CADPS2: variants seen among roughly 807,000 people sequenced by gnomAD.
CADPS2 encodes the protein calcium dependent secretion activator 2.
CADPS2 carries 93 observed loss-of-function variants against 172.5 expected under a neutral mutation model. The ratio of observed to expected loss-of-function variants is 0.54; its 90% CI spans 0.46 to 0.64. The LOEUF is 0.64. CADPS2 is among the 30% of genes least tolerant of loss of function. The pLI is 0.00. For missense variants in CADPS2, 1,420 were observed against 1,565.9 expected (o/e 0.91, Z 1.57); for synonymous variants, 546 against 555.2 (o/e 0.98, Z 0.23).
At chr7:122,602,210 T>A (rs1429995165) in intron 6 of CADPS2, among the ~76,000 whole-genome samples, 1 of 151,932 alleles carries the variant, frequency 6.6e-6, no homozygotes, top group Admixed American at 6.6e-5. Flanking sequence ...AAAAAAAAGT[T>A]TATTTTTTTC....
chr7:122,597,913 A>ATTT (rs35489038), intron 6 of CADPS2, among the ~76,000 whole-genome samples: 1 of 147,440 alleles, frequency 6.8e-6, no homozygotes, highest in Non-Finnish European at 1.5e-5. Flanking sequence ...TCTTTTTAAC[A>ATTT]TTTTTTTTTT....
chr7:122,532,392 C>A (rs932788601), intron 8 of CADPS2, among the ~76,000 whole-genome samples: 2 of 152,122 alleles, frequency 1.3e-5, no homozygotes, highest in East Asian at 3.9e-4. Flanking sequence ...TAATTGATAA[C>A]TTAATTTTTA....
At chr7:122,779,563 A>T (rs1422396667) in intron 1 of CADPS2, among the ~76,000 whole-genome samples, 1 of 152,214 alleles carries the variant, frequency 6.6e-6, no homozygotes, top group Non-Finnish European at 1.5e-5. Flanking sequence ...GACAAGAAAG[A>T]GAGTGAGCAT....
intron 2 of CADPS2, among the ~76,000 whole-genome samples, chr7:122,708,460 G>GGA (rs2087977035): frequency 3.5e-5 from 1 of 28,972 alleles, no homozygotes; most frequent in Admixed American, 4.6e-4. Context: ...ATATGTGTGT[G>GGA]GATATATATA....
intron 1 of CADPS2, among the ~76,000 whole-genome samples, chr7:122,774,241 A>AAT (rs200036624): frequency 9.4e-5 from 14 of 148,172 alleles, no homozygotes; most frequent in South Asian, 2.1e-4. Flanking sequence ...TTCAACAACA[A>AAT]ATATATATAT....
intron 2 of CADPS2, among the ~76,000 whole-genome samples, chr7:122,734,389 A>AAAAG (rs2091979697): frequency 2.1e-5 from 1 of 47,802 alleles, no homozygotes; most frequent in African/African-American, 5.8e-5. Flanking sequence ...AAAAAAAAGA[A>AAAAG]AAAAAAAAAA....
intron 17 of CADPS2, among the ~76,000 whole-genome samples, chr7:122,423,337 T>C (rs1473660685): frequency 6.6e-6 from 1 of 152,128 alleles, no homozygotes; most frequent in Admixed American, 6.5e-5. Flanking sequence ...AACCCATTCC[T>C]GTCCCTGCCA....
At position 122,584,672 on chromosome 7, in the gene CADPS2, CG is replaced by C. The variant is rs142467642; in HGVS notation, c.1224-3383del. ...TTAATTTTAAGCCTTTCTTCCATTC[CG>C]GGCAAGCATTTGTGACTATAAATTT... On this transcript the variant is annotated intron_variant, in intron 6 of 29. Coordinates refer to ENST00000449022, the MANE Select transcript of CADPS2 (RefSeq NM_017954.11). Among the ~76,000 whole-genome samples, 1,170 of 151,914 alleles carry C rather than the reference CG, an allele frequency of 7.7e-3. 16 individuals are homozygous for C. The highest frequency in any genetic ancestry group is 0.027 in the African/African-American group (1,130 of 41,480).
intron 8 of CADPS2, among the ~76,000 whole-genome samples, chr7:122,533,732 G>C (rs1276552786): frequency 6.6e-6 from 1 of 152,156 alleles, no homozygotes; most frequent in African/African-American, 2.4e-5. Context: ...CATGGAGTAA[G>C]ATAATTAAAC....
chr7:122,438,353 C>T lies in CADPS2; in HGVS notation c.2464G>A (p.Ala822Thr). 2 of 1,612,914 alleles carry T rather than the reference C, an allele frequency of 1.2e-6. No homozygotes were observed. The highest frequency in any genetic ancestry group is 1.7e-6 in the Non-Finnish European group (2 of 1,179,152). Residue 822 changes from alanine to threonine, a missense_variant, in exon 17 of 30, where the codon GCC becomes ACC. Ala to Thr is a moderately conservative substitution (Grantham distance 58). Transcript: ENST00000449022. ...TCACTGCACTGACCTTCTATTTTGG[C>T]ATATTCTGTGAGTCTAGTGTAATTG... ...LINYTRLTEY[A>T]KIEETMNQAS... is the part of the protein sequence containing the mutation.
intron 1 of CADPS2, among the ~76,000 whole-genome samples, chr7:122,743,826 A>C (rs1466482012): frequency 1.3e-5 from 2 of 152,202 alleles, no homozygotes; most frequent in Admixed American, 1.3e-4. Context: ...CCACTGAAGC[A>C]AAATCATCAG....
chr7:122,471,401 G>A lies in CADPS2; in HGVS notation c.2160C>T (p.Phe720=). The A allele has an allele frequency of 6.2e-7, 1 of 1,613,120 alleles. No homozygotes were observed. Among genetic ancestry groups the A allele is most frequent in the South Asian group, 1.1e-5 (1 of 90,964 alleles). Residue 720 remains phenylalanine, a synonymous_variant, in exon 14 of 30, where the codon TTC becomes TTT. Transcript: ENST00000449022. ...TGTTGCCGTGCACATGAGAGGCACA[G>A]AATGCAAAGCTGTAATGGAGCAGGG... ...DPTLLHYSFA[F]CASHVHGNRP... is the part of the protein sequence containing the mutation.
At chr7:122,387,468 A>C (rs182212692) in intron 23 of CADPS2, among the ~76,000 whole-genome samples, 2 of 152,226 alleles carry the variant, frequency 1.3e-5, no homozygotes, top group Admixed American at 6.6e-5. Context: ...ATGGAAAAAA[A>C]ACTCATAATT....
rs545210464 is a variant in CADPS2 at position 122,387,984 on chromosome 7, T to C, written c.3164+599A>G. 3.3e-5 allele frequency among the ~76,000 whole-genome samples: 5 copies of C among 152,120 alleles called. No individual in the cohort carries two copies. The South Asian group carries it at 8.3e-4, about 25-fold the overall frequency. On this transcript the variant is annotated intron_variant, in intron 23 of 29. Transcript: ENST00000449022. Reference sequence around the variant, plus strand: ...TTGTATATATAATGAACAAGGACAATGGGAAAAAAATGCTTGACCAATTAG... The same window carrying C: ...TTGTATATATAATGAACAAGGACAACGGGAAAAAAATGCTTGACCAATTAG...
chr7:122,756,941 G>A (rs1462580998), intron 1 of CADPS2, among the ~76,000 whole-genome samples: 1 of 151,392 alleles, frequency 6.6e-6, no homozygotes, highest in African/African-American at 2.4e-5. Flanking sequence ...ACCTCCTACA[G>A]AACCCAATCT....
chr7:122,433,147 C>T (rs910174258), intron 17 of CADPS2, among the ~76,000 whole-genome samples: 10 of 148,954 alleles, frequency 6.7e-5, no homozygotes, highest in Middle Eastern at 3.4e-3. Flanking sequence ...CTATTTGAGG[C>T]GTGTGTGTGT....
chr7:122,462,693 A>G (rs889989274), intron 14 of CADPS2, among the ~76,000 whole-genome samples: 3 of 152,224 alleles, frequency 2.0e-5, no homozygotes, highest in African/African-American at 7.2e-5. Flanking sequence ...AACACTCATC[A>G]AAAGAAAGCT....
chr7:122,568,419 T>C (rs535354845), intron 7 of CADPS2, among the ~76,000 whole-genome samples: 1 of 152,010 alleles, frequency 6.6e-6, no homozygotes, highest in Non-Finnish European at 1.5e-5. Context: ...CAGATATTCA[T>C]AAAACATGAG....
chr7:122,865,282 A>G (rs749725124), intron 1 of CADPS2, among the ~76,000 whole-genome samples: 5 of 152,166 alleles, frequency 3.3e-5, no homozygotes, highest in African/African-American at 4.8e-5. Context: ...TGCTTCTTGT[A>G]TGGTCTGCAG....
Sources: allele counts gnomAD v4.1 joint callset (sites outside exome capture counted in the v4.1 genomes callset), GRCh38; gene constraint gnomAD v4.1.1; transcripts MANE v1.5; gene names NCBI Gene and HGNC (gene_info 2026-07-23, HGNC 2026-07-21).